FAT2: variants seen among roughly 807,000 people sequenced by gnomAD.
FAT2 encodes protocadherin Fat 2.
In FAT2, 150 loss-of-function variants were observed where a neutral mutation model predicts 295.3. The observed-to-expected ratio is 0.51, with a 90% CI of 0.44 to 0.58. The LOEUF (loss-of-function observed/expected upper bound fraction) is 0.58. Among genes scored for constraint, FAT2 ranks in the 20% least tolerant of loss-of-function variants. FAT2 has a pLI of 0.00. For synonymous variants in FAT2, 2,026 were observed against 2,150.3 expected (o/e 0.94, Z 1.60); for missense variants, 4,868 against 5,442.7 (o/e 0.89, Z 3.32).
chr5:151,548,655 A>G (rs1387027537), intron 9 of FAT2, among the ~76,000 whole-genome samples: 1 of 152,000 alleles, frequency 6.6e-6, no homozygotes, highest in Non-Finnish European at 1.5e-5. Flanking sequence ...TAATTTTTGT[A>G]TTTTTAGTAG....
rs1162925604 is a variant in FAT2 at position 151,545,789 on chromosome 5, T to C, written c.5338A>G (p.Lys1780Glu). ...AAPLYSMIMD[K>E]NNNPFVIHAS... ...TGAATCACAAAGGGGTTGTTGTTTT[T>C]ATCCATGATCATGCTATACAGTGGA... is the stretch of plus-strand genomic sequence containing the variant. Residue 1780 changes from lysine to glutamate, a missense_variant, in exon 10 of 24, where the codon AAA becomes GAA. Physicochemically the swap from Lys to Glu is moderately conservative, Grantham distance 56 (BLOSUM62 1). Coordinates refer to ENST00000261800, the MANE Select transcript of FAT2 (RefSeq NM_001447.3). The C allele has an allele frequency of 6.2e-7, 1 of 1,614,212 alleles. No homozygotes were observed. The highest frequency in any genetic ancestry group is 1.3e-5 in the African/African-American group (1 of 75,066).
intron 12 of FAT2, among the ~76,000 whole-genome samples, chr5:151,537,324 A>AG (rs1755490178): frequency 1.9e-4 from 2 of 10,288 alleles, no homozygotes; most frequent in African/African-American, 8.8e-4. Flanking sequence ...AGAAAGAGAA[A>AG]AAAAGAAAGA....
At chr5:151,590,134 C>T (rs1321064916) in intron 1 of FAT2, among the ~76,000 whole-genome samples, 40 of 152,214 alleles carry the variant, frequency 2.6e-4, no homozygotes, top group Admixed American at 2.5e-3. Context: ...GCACAGGAAG[C>T]ATTCAACGAG....
chr5:151,513,583 G>A (rs1752539081), intron 20 of FAT2, among the ~76,000 whole-genome samples: 1 of 148,872 alleles, frequency 6.7e-6, no homozygotes, highest in African/African-American at 2.5e-5. Flanking sequence ...ATAGACATCA[G>A]GGCCTACTTG....
At chr5:151,586,348 G>A (rs1759167546) in intron 1 of FAT2, among the ~76,000 whole-genome samples, 1 of 152,214 alleles carries the variant, frequency 6.6e-6, no homozygotes, top group Non-Finnish European at 1.5e-5. Context: ...AAGGATAGAT[G>A]GCATTTTCCT....
chr5:151,510,208 C>T, intron 21 of FAT2, 34 bp from the exon 22 acceptor site: 1 of 1,611,686 alleles, frequency 6.2e-7, no homozygotes, highest in Non-Finnish European at 8.5e-7. Context: ...AGAGACCGCA[C>T]TGGCCTAGCA....
At chr5:151,526,578 A>G (rs539791983) in intron 17 of FAT2, among the ~76,000 whole-genome samples, 7 of 152,358 alleles carry the variant, frequency 4.6e-5, no homozygotes, top group African/African-American at 1.7e-4. Context: ...TGCCTATCCA[A>G]CAGACATTCT....
chr5:151,556,253 C>G (rs889430450), intron 4 of FAT2, 91 bp downstream of exon 4: 3 of 1,080,398 alleles, frequency 2.8e-6, no homozygotes, highest in Admixed American at 1.7e-5. Context: ...AACCCAGACC[C>G]TCCTCAGCCA....
intron 17 of FAT2, 144 bp downstream of exon 17, chr5:151,527,090 C>T (rs1189678369): frequency 2.5e-6 from 2 of 789,068 alleles, no homozygotes; most frequent in Middle Eastern, 4.0e-4. Flanking sequence ...ATAATGCCCT[C>T]CAGCAGTCTG....
Position 151,553,207 on chromosome 5 carries a change from T to C in FAT2, c.4126A>G (p.Arg1376Gly), listed in dbSNP as rs2127626899. Residue 1376 changes from arginine to glycine, a missense_variant, in exon 6 of 24, where the codon AGA becomes GGA. Around this residue, in one of 5 missense-constraint regions of FAT2, gnomAD observed 3,297 missense variants for 3,669.4 expected, o/e 0.90. Transcript: ENST00000261800. ...ATGTTGAACCAGAAGAGTCCGGGTCTGCCCTCTACGCTGATGACCCCCACC... is the reference window on the plus strand; with the variant it reads ...ATGTTGAACCAGAAGAGTCCGGGTCCGCCCTCTACGCTGATGACCCCCACC... ...HMVGVISVEG[R>G]PGLFWFNISG... is the part of the protein sequence containing the mutation. 1 of 1,614,260 alleles carries C rather than the reference T, an allele frequency of 6.2e-7. No individual in the cohort carries two copies. Among genetic ancestry groups the C allele is most frequent in the Non-Finnish European group, 8.5e-7 (1 of 1,180,036 alleles).
intron 9 of FAT2, among the ~76,000 whole-genome samples, chr5:151,546,920 A>T (rs1370672926): frequency 2.0e-5 from 3 of 152,032 alleles, no homozygotes; most frequent in African/African-American, 7.2e-5. Context: ...TATATAGAAC[A>T]CCCATATCTC....
At chr5:151,562,765 T>C (rs1246987887) in intron 3 of FAT2, among the ~76,000 whole-genome samples, 1 of 152,242 alleles carries the variant, frequency 6.6e-6, no homozygotes, top group Non-Finnish European at 1.5e-5. Context: ...TCTGACTCAC[T>C]GCTGCCAGCT....
At chr5:151,563,786 G>C (rs1758131786) in intron 2 of FAT2, 147 bp from the exon 3 acceptor site, 1 of 643,302 alleles carries the variant, frequency 1.6e-6, no homozygotes, top group African/African-American at 1.8e-5. Flanking sequence ...GCTTCTACCA[G>C]TATAATGTGG....
intron 12 of FAT2, 77 bp downstream of exon 12, chr5:151,537,716 G>GGAGA (rs1308782129): frequency 7.1e-7 from 1 of 1,412,460 alleles, no homozygotes; most frequent in Non-Finnish European, 9.6e-7. Context: ...TCTTCTCCAA[G>GGAGA]GAGAATACCA....
intron 7 of FAT2, 50 bp from the exon 8 acceptor site, chr5:151,550,921 G>C (rs774686136): frequency 3.2e-6 from 5 of 1,578,976 alleles, no homozygotes; most frequent in Admixed American, 1.7e-5. Context: ...CAGGGGAACA[G>C]GGACTGGGTC....
At chr5:151,573,247 G>A (rs1289900453) in intron 1 of FAT2, among the ~76,000 whole-genome samples, 1 of 152,222 alleles carries the variant, frequency 6.6e-6, no homozygotes, top group African/African-American at 2.4e-5. Flanking sequence ...ATGAAAGTTA[G>A]TTAATGCACA....
In FAT2 at chr5:151,563,654, T is replaced by G; in HGVS notation, c.3260-15A>C. Reference sequence around the variant, plus strand: ...CTGAATCATTCCTAGGGACAGTAAGTCAGCAAACCCAAAATACTTTAGAGC... The same window carrying G: ...CTGAATCATTCCTAGGGACAGTAAGGCAGCAAACCCAAAATACTTTAGAGC... On this transcript the variant is annotated splice_polypyrimidine_tract_variant and intron_variant, in intron 2 of 23. Transcript: ENST00000261800. The G allele has an allele frequency of 6.2e-7, 1 of 1,606,762 alleles. No individual in the cohort carries two copies. The highest frequency in any genetic ancestry group is 8.5e-7 in the Non-Finnish European group (1 of 1,177,618).
At position 151,544,350 on chromosome 5, in the gene FAT2, T is replaced by C; in HGVS notation, c.6777A>G (p.Glu2259=). ...ALGSFSEATV[E]VLVEDVNDNP... Reference sequence around the variant, plus strand: ...TATCATTGACATCCTCCACTAGGACTTCCACTGTGGCTTCAGAAAATGACC... The same window carrying C: ...TATCATTGACATCCTCCACTAGGACCTCCACTGTGGCTTCAGAAAATGACC... The change falls in exon 10 of 24, where the codon GAA becomes GAG. Residue 2259 remains glutamate, a synonymous_variant. Coordinates refer to ENST00000261800, the MANE Select transcript of FAT2 (RefSeq NM_001447.3). The C allele has an allele frequency of 6.2e-7, 1 of 1,614,206 alleles. No individual in the cohort carries two copies. Among genetic ancestry groups the C allele is most frequent in the Admixed American group, 1.7e-5 (1 of 60,012 alleles).
At chr5:151,513,391 C>A (rs1192102776) in intron 20 of FAT2, among the ~76,000 whole-genome samples, 1 of 152,186 alleles carries the variant, frequency 6.6e-6, no homozygotes, top group African/African-American at 2.4e-5. Flanking sequence ...GGTACAGATA[C>A]ACCATGGACA....
Sources: gnomAD v4.1 joint callset for allele counts (sites outside exome capture counted in the v4.1 genomes callset) on GRCh38, gnomAD v4.1.1 for gene constraint, gnomAD v4.1.1 regional missense constraint, MANE v1.5 for transcripts, NCBI Gene and HGNC (gene_info 2026-07-23, HGNC 2026-07-21) for gene names.